The following ADGRV1 variants were observed in gnomAD, a reference collection of about 807,000 sequenced individuals.
ADGRV1 encodes G-protein coupled receptor 98.
In ADGRV1, 359 loss-of-function variants were observed where a neutral mutation model predicts 596.2. The ratio of observed to expected loss-of-function variants is 0.60; its 90% confidence interval spans 0.55 to 0.66. The LOEUF (loss-of-function observed/expected upper bound fraction) is 0.66, where lower values mean the gene tolerates loss of function less well. ADGRV1 is among the 30% of genes least tolerant of loss of function. The pLI is 0.00. For synonymous variants in ADGRV1, 2,681 were observed against 2,679.2 expected (o/e 1.00, Z -0.02); for missense variants, 7,274 against 7,575.6 (o/e 0.96, Z 1.48).
At chr5:91,154,891 G>A (rs1474983112) in intron 89 of ADGRV1, among the ~76,000 whole-genome samples, 1 of 152,134 alleles carries the variant, frequency 6.6e-6, no homozygotes, top group African/African-American at 2.4e-5. Context: ...TTGCCTCCAC[G>A]TGGTCCTGCC....
intron 86 of ADGRV1, among the ~76,000 whole-genome samples, chr5:91,086,083 C>T (rs569601049): frequency 7.9e-5 from 12 of 152,262 alleles, no homozygotes; most frequent in East Asian, 1.9e-4. Flanking sequence ...TTGGTTTTCA[C>T]GACACCCTAT....
intron 87 of ADGRV1, among the ~76,000 whole-genome samples, chr5:91,125,124 G>T (rs1019652707): frequency 6.6e-6 from 1 of 152,130 alleles, no homozygotes; most frequent in Non-Finnish European, 1.5e-5. Context: ...GGACAGAGGG[G>T]AAGTCACACA....
At chr5:90,939,574 G>C (rs1377505048) in intron 83 of ADGRV1, among the ~76,000 whole-genome samples, 1 of 152,122 alleles carries the variant, frequency 6.6e-6, no homozygotes. Flanking sequence ...AAATGACAAG[G>C]ATATAAAGTA....
At chr5:90,812,710 A>C (rs1762546602) in intron 74 of ADGRV1, among the ~76,000 whole-genome samples, 1 of 152,194 alleles carries the variant, frequency 6.6e-6, no homozygotes, top group African/African-American at 2.4e-5. Flanking sequence ...ACAAATTTAC[A>C]TCAATTAGTA....
chr5:90,986,503 C>G (rs1482664899), intron 85 of ADGRV1, among the ~76,000 whole-genome samples: 1 of 152,074 alleles, frequency 6.6e-6, no homozygotes, highest in African/African-American at 2.4e-5. Context: ...ATCACAGACA[C>G]ATACCCCATA....
chr5:91,030,194 A>G (rs994095363), intron 85 of ADGRV1, among the ~76,000 whole-genome samples: 1 of 152,130 alleles, frequency 6.6e-6, no homozygotes, highest in Non-Finnish European at 1.5e-5. Context: ...ATGAGATTAT[A>G]TTGATAGATA....
In ADGRV1 at chr5:90,725,639, G is replaced by T; in HGVS notation, c.10144G>T (p.Asp3382Tyr). The T allele has an allele frequency of 6.5e-7, 1 of 1,543,332 alleles. No individual in the cohort carries two copies. The change falls in exon 48 of 90, where the codon GAT becomes TAT. Residue 3382 changes from aspartate (D) to tyrosine (Y), a missense_variant. Around this residue, in one of 5 missense-constraint regions of ADGRV1, gnomAD observed 3,643 missense variants for 3,809.2 expected, o/e 0.96. Coordinates refer to ENST00000405460, the MANE Select transcript of ADGRV1 (RefSeq NM_032119.4). ...TTTAATCATTGCAAGTCAAAGAGAT[G>T]ATTCCGAATTAACTCAGGTTTGATT... The part of the protein sequence containing the change: ...DYLIIASQRD[D>Y]SELTQVFRWN...
chr5:91,026,558 C>G (rs1426163169), intron 85 of ADGRV1, among the ~76,000 whole-genome samples: 1 of 151,966 alleles, frequency 6.6e-6, no homozygotes, highest in Non-Finnish European at 1.5e-5. Context: ...TTGGTACCTC[C>G]TTGGATTTCA....
intron 1 of ADGRV1, 115 bp downstream of exon 1, chr5:90,559,032 C>A: frequency 1.1e-6 from 1 of 899,776 alleles, no homozygotes; most frequent in Non-Finnish European, 1.6e-6. Context: ...GGGCGGGCCA[C>A]AGCCGGGCCC....
chr5:90,869,558 T>C (rs1768463858), intron 83 of ADGRV1, among the ~76,000 whole-genome samples: 1 of 152,152 alleles, frequency 6.6e-6, no homozygotes, highest in African/African-American at 2.4e-5. Context: ...TTTACCATCA[T>C]CCGATTAGGA....
intron 85 of ADGRV1, among the ~76,000 whole-genome samples, chr5:91,014,004 T>C (rs913970471): frequency 6.6e-6 from 1 of 151,896 alleles, no homozygotes; most frequent in African/African-American, 2.4e-5. Context: ...TAGTTAAAGA[T>C]CAGATGATCC....
At chr5:91,061,810 A>G (rs1341093183) in intron 85 of ADGRV1, among the ~76,000 whole-genome samples, 1 of 152,248 alleles carries the variant, frequency 6.6e-6, no homozygotes, top group Non-Finnish European at 1.5e-5. Context: ...GTGCTCTAAA[A>G]CAGGTAGACA....
chr5:90,783,872 G>T lies in ADGRV1; in HGVS notation c.13468G>T (p.Gly4490Ter). ...FEEPIEILLT[G>*]ATGGAVLGRH... ...GGAGCCCATTGAAATTCTACTCACT[G>T]GAGCTACTGGAGGAGCGGTCCTTGG... The change falls in exon 67 of 90, where the codon GGA becomes TGA. Residue 4490 changes from glycine (G) to a stop codon, truncating the protein, a stop_gained. Coordinates refer to ENST00000405460, the MANE Select transcript of ADGRV1 (RefSeq NM_032119.4). LOFTEE classifies it high-confidence loss of function. 1 of 1,610,576 alleles carries T rather than the reference G, an allele frequency of 6.2e-7. No homozygotes were observed. The highest frequency in any genetic ancestry group is 8.5e-7 in the Non-Finnish European group (1 of 1,178,560).
At chr5:90,565,109 C>A (rs986360640) in intron 1 of ADGRV1, among the ~76,000 whole-genome samples, 8 of 152,062 alleles carry the variant, frequency 5.3e-5, no homozygotes. Context: ...TGTTGGCGGG[C>A]GCCTGTATTG....
chr5:90,958,596 G>C (rs546102327), intron 83 of ADGRV1, among the ~76,000 whole-genome samples: 1 of 152,108 alleles, frequency 6.6e-6, no homozygotes, highest in Non-Finnish European at 1.5e-5. Context: ...GGTGTCTTCA[G>C]GGTTGACTTC....
intron 85 of ADGRV1, among the ~76,000 whole-genome samples, chr5:91,064,729 A>G (rs564772949): frequency 6.6e-6 from 1 of 152,202 alleles, no homozygotes; most frequent in South Asian, 2.1e-4. Context: ...AGGAAGAGGA[A>G]TATATTTTCC....
chr5:90,737,052 A>G (rs1431252037), intron 50 of ADGRV1, among the ~76,000 whole-genome samples: 1 of 150,422 alleles, frequency 6.6e-6, no homozygotes, highest in Non-Finnish European at 1.5e-5. Flanking sequence ...TAGACCATTT[A>G]TTTGAGATTT....
At chr5:90,905,081 T>C (rs1473607494) in intron 83 of ADGRV1, among the ~76,000 whole-genome samples, 1 of 152,124 alleles carries the variant, frequency 6.6e-6, no homozygotes, top group African/African-American at 2.4e-5. Flanking sequence ...CTCTCTATTC[T>C]GTTCCATTGG....
At position 90,772,012 on chromosome 5, in the gene ADGRV1, C is replaced by T. The variant is rs566178470; in HGVS notation, c.12286-2174C>T. Among the ~76,000 whole-genome samples the T allele has an allele frequency of 3.9e-5, 6 of 152,210 alleles. No homozygotes were observed. In the East Asian group the frequency reaches 7.7e-4, roughly 20 times the overall value. Reference sequence around the variant, plus strand: ...ATTTTCCACCTGTAATCACCCTTTTCCCCCCTCTTACTGGTTGTAGATTTC... The same window carrying T: ...ATTTTCCACCTGTAATCACCCTTTTTCCCCCTCTTACTGGTTGTAGATTTC... On this transcript the variant is annotated intron_variant, in intron 59 of 89. Coordinates refer to ENST00000405460, the MANE Select transcript of ADGRV1 (RefSeq NM_032119.4).
Sources: allele counts gnomAD v4.1 joint callset (sites outside exome capture counted in the v4.1 genomes callset), GRCh38; gene constraint gnomAD v4.1.1; regional missense constraint gnomAD v4.1.1; transcripts MANE v1.5; gene names NCBI Gene and HGNC (gene_info 2026-07-23, HGNC 2026-07-21).